Variants in MTA3 observed in about 807,000 individuals in gnomAD.
MTA3 encodes metastasis-associated protein MTA3.
In MTA3, 34 loss-of-function variants were observed where a neutral mutation model predicts 83.5. That is an observed-to-expected ratio of 0.41 (90% CI 0.31 to 0.54). The LOEUF is 0.54. MTA3 is among the 20% of genes least tolerant of loss of function. The probability of loss-of-function intolerance (pLI) is 0.33; values close to 1 mark genes in which losing one functional copy is unlikely to be tolerated. For synonymous variants in MTA3, 303 were observed against 252.7 expected, an observed-to-expected ratio of 1.20 and a Z score of -1.89; for missense variants, 761 against 726.4, an observed-to-expected ratio of 1.05 and a Z score of -0.55.
At chr2:42,592,353 A>C (rs1250799384) in intron 3 of MTA3, among the ~76,000 whole-genome samples, 1 of 151,986 alleles carries the variant, frequency 6.6e-6, no homozygotes, top group Admixed American at 6.6e-5. Context: ...GGAGGCTGAG[A>C]TGGGAGGATC....
chr2:42,572,304 T>TTGTC (rs1392033884), intron 2 of MTA3, among the ~76,000 whole-genome samples: 3 of 151,742 alleles, frequency 2.0e-5, no homozygotes, highest in African/African-American at 7.2e-5. Context: ...CTAGGCTAAA[T>TTGTC]TGTCTGTGGT....
intron 2 of MTA3, among the ~76,000 whole-genome samples, chr2:42,551,047 CTAAATAAATAAATAAATAAA>C (rs61107846): frequency 7.0e-6 from 1 of 142,618 alleles, no homozygotes; most frequent in South Asian, 2.2e-4. Context: ...CAGACTCTGA[CTAAATAAATAAATAAATAAA>C]TAAATAAATA....
intron 16 of MTA3, among the ~76,000 whole-genome samples, chr2:42,744,150 G>T (rs1015521343): frequency 5.3e-5 from 8 of 152,322 alleles, no homozygotes; most frequent in Middle Eastern, 6.8e-3. Flanking sequence ...CTTATGTATT[G>T]AGAGGGTTTC....
intron 3 of MTA3, among the ~76,000 whole-genome samples, chr2:42,605,944 C>T (rs1429036696): frequency 4.6e-5 from 1 of 21,822 alleles, no homozygotes; most frequent in Non-Finnish European, 8.8e-5. Context: ...ACCTCCCCGA[C>T]GGGGCGGCTG....
At chr2:42,716,324 A>G (rs1002305945) in intron 14 of MTA3, among the ~76,000 whole-genome samples, 11 of 152,264 alleles carry the variant, frequency 7.2e-5, no homozygotes, top group Middle Eastern at 6.8e-3. Context: ...ATGTTTTTAA[A>G]CTTATTTTTT....
At chr2:42,504,964 C>G (rs1035484249) in intron 2 of MTA3, among the ~76,000 whole-genome samples, 2 of 152,152 alleles carry the variant, frequency 1.3e-5, no homozygotes, top group African/African-American at 4.8e-5. Flanking sequence ...TGGGATGACC[C>G]TTCTCCCCAT....
intron 6 of MTA3, among the ~76,000 whole-genome samples, chr2:42,648,725 T>C (rs1688437949): frequency 6.6e-6 from 1 of 152,246 alleles, no homozygotes. Context: ...TAGAAAATTT[T>C]CCATAAAAGA....
chr2:42,753,452 G>A lies in MTA3; in HGVS notation c.*53G>A. Reference sequence around the variant, plus strand: ...AGACTTGCTGCACTGTCCTGCTGATGTTCACAGCCGTGCCTGGGAAGAAGG... The same window carrying A: ...AGACTTGCTGCACTGTCCTGCTGATATTCACAGCCGTGCCTGGGAAGAAGG... On this transcript the variant is annotated 3_prime_UTR_variant, in exon 17 of 17. Transcript: ENST00000405094. The A allele has an allele frequency of 6.5e-7, 1 of 1,550,032 alleles. No homozygotes were observed. The highest frequency in any genetic ancestry group is 8.7e-7 in the Non-Finnish European group (1 of 1,146,642).
At chr2:42,731,956 C>G (rs1668259948) in intron 16 of MTA3, among the ~76,000 whole-genome samples, 1 of 152,210 alleles carries the variant, frequency 6.6e-6, no homozygotes, top group Non-Finnish European at 1.5e-5. Context: ...CCATTCAAGT[C>G]TGAAATCCAG....
At chr2:42,538,620 C>G (rs1304368386) in intron 2 of MTA3, among the ~76,000 whole-genome samples, 1 of 149,458 alleles carries the variant, frequency 6.7e-6, no homozygotes, top group Non-Finnish European at 1.5e-5. Flanking sequence ...ATGCAGGAGA[C>G]TCACTTGAAC....
intron 2 of MTA3, among the ~76,000 whole-genome samples, chr2:42,558,671 C>T (rs1677515256): frequency 6.6e-6 from 1 of 151,918 alleles, no homozygotes; most frequent in East Asian, 1.9e-4. Context: ...CTCCTTCCTC[C>T]CAAGTAGCTG....
rs201896079 is a variant in MTA3, at chr2:42,609,569, C to G, written c.302C>G (p.Pro101Arg). The G allele has an allele frequency of 4.0e-5, 64 of 1,613,496 alleles. No individual in the cohort carries two copies. Among genetic ancestry groups the G allele is most frequent in the Non-Finnish European group, 5.0e-5 (59 of 1,179,718 alleles). ...TTGTCACGCCAGTATGAATCTCTGC[C>G]CGCAACACATATCAGGTAAGAACTT... ...LFLSRQYESL[P>R]ATHIRGKCSV... The change falls in exon 4 of 17, where the codon CCC becomes CGC. Residue 101 changes from proline to arginine, a missense_variant. By Grantham distance (103) the Pro-to-Arg change is moderately radical. Transcript: ENST00000405094.
At chr2:42,579,598 A>G (rs10187433) in intron 3 of MTA3, among the ~76,000 whole-genome samples, 109,932 of 151,466 alleles carry the variant, frequency 0.73, 40,048 homozygotes, top group South Asian at 0.88. Context: ...GGCCTAGTAT[A>G]TGGTTTTTTA....
intron 2 of MTA3, among the ~76,000 whole-genome samples, chr2:42,514,338 A>G (rs12712842): frequency 0.36 from 54,059 of 152,116 alleles, 9,689 homozygotes; most frequent in South Asian, 0.42. Flanking sequence ...TAAAAAATAC[A>G]TATGCTTTTA....
Position 42,729,258 on chromosome 2 carries a change from G to A in MTA3, c.1759+6223G>A, listed in dbSNP as rs191371437. Among the ~76,000 whole-genome samples the A allele has an allele frequency of 2.7e-3, 411 of 151,148 alleles. 2 individuals carry two copies. The highest frequency in any genetic ancestry group is 8.6e-3 in the African/African-American group (355 of 41,242). On this transcript the variant is annotated intron_variant, in intron 16 of 16. Coordinates refer to ENST00000405094, the MANE Select transcript of MTA3 (RefSeq NM_001330442.2). Reference sequence around the variant, plus strand: ...ACTACAGGCGCCCACCACCACGCCCGGCTAATTTTTTGTATTTTTTTTTTA... The same window carrying A: ...ACTACAGGCGCCCACCACCACGCCCAGCTAATTTTTTGTATTTTTTTTTTA...
At chr2:42,648,193 C>T (rs1688395972) in intron 6 of MTA3, among the ~76,000 whole-genome samples, 1 of 152,086 alleles carries the variant, frequency 6.6e-6, no homozygotes. Flanking sequence ...GTGGGGATAC[C>T]AGTAGGTATA....
At chr2:42,741,478 C>T (rs185636360) in intron 16 of MTA3, among the ~76,000 whole-genome samples, 4 of 152,302 alleles carry the variant, frequency 2.6e-5, no homozygotes, top group Admixed American at 2.0e-4. Flanking sequence ...CATGAAGGCT[C>T]ATCATTTCTG....
At chr2:42,740,163 C>G (rs925617166) in intron 16 of MTA3, among the ~76,000 whole-genome samples, 5 of 152,216 alleles carry the variant, frequency 3.3e-5, no homozygotes, top group Non-Finnish European at 4.4e-5. Context: ...GAATCATTAT[C>G]TATGGCAGGC....
intron 3 of MTA3, among the ~76,000 whole-genome samples, chr2:42,603,124 T>C (rs1157205677): frequency 2.0e-5 from 3 of 151,226 alleles, no homozygotes; most frequent in Non-Finnish European, 2.9e-5. Context: ...TTTTTTTTTT[T>C]TGCTGGGGGT....
Sources: allele counts gnomAD v4.1 joint callset (sites outside exome capture counted in the v4.1 genomes callset), GRCh38; gene constraint gnomAD v4.1.1; transcripts MANE v1.5; gene names NCBI Gene and HGNC (gene_info 2026-07-23, HGNC 2026-07-21).